The following PSD3 variants were observed in gnomAD, a reference collection of about 807,000 sequenced individuals.
The protein encoded by PSD3 is pleckstrin and Sec7 domain containing 3.
Under a neutral mutation model 105.5 loss-of-function variants are expected in PSD3, and 49 were observed. That is an observed-to-expected ratio of 0.46 (90% confidence interval 0.37 to 0.59). The LOEUF (loss-of-function observed/expected upper bound fraction) is 0.59. Among genes scored for constraint, PSD3 ranks in the 20% least tolerant of loss-of-function variants. The pLI, the probability that PSD3 is intolerant of heterozygous loss-of-function variation, is 0.00. For missense variants in PSD3, 1,561 were observed against 1,263.8 expected, an observed-to-expected ratio of 1.24 and a Z score of -3.57; for synonymous variants, 557 against 457.8, an observed-to-expected ratio of 1.22 and a Z score of -2.77.
At chr8:18,910,061 G>C (rs73582666) in intron 2 of PSD3, among the ~76,000 whole-genome samples, 5,027 of 152,136 alleles carry the variant, frequency 0.033, 242 homozygotes, top group African/African-American at 0.11. Context: ...TCCCCTCCCT[G>C]AATGCCCTGT....
intron 11 of PSD3, among the ~76,000 whole-genome samples, chr8:18,617,735 A>T (rs1188773876): frequency 6.6e-6 from 1 of 152,116 alleles, no homozygotes; most frequent in Non-Finnish European, 1.5e-5. Context: ...TTTAGGCACA[A>T]CTGACCAGCA....
chr8:18,571,946 A>G (rs564131310), intron 14 of PSD3, among the ~76,000 whole-genome samples: 3 of 152,182 alleles, frequency 2.0e-5, no homozygotes, highest in African/African-American at 7.2e-5. Context: ...ACATGATAAA[A>G]TATGGCTTTT....
At chr8:18,654,192 C>T (rs1808721756) in intron 10 of PSD3, among the ~76,000 whole-genome samples, 1 of 152,140 alleles carries the variant, frequency 6.6e-6, no homozygotes, top group Non-Finnish European at 1.5e-5. Context: ...CCCTAACTTG[C>T]AATAGGACCA....
At chr8:18,845,164 T>A (rs898013537) in intron 4 of PSD3, among the ~76,000 whole-genome samples, 1 of 152,234 alleles carries the variant, frequency 6.6e-6, no homozygotes, top group Non-Finnish European at 1.5e-5. Context: ...AATATTTCAT[T>A]ACTACCATTC....
chr8:19,011,339 G>GA (rs1017351960), intron 1 of PSD3, among the ~76,000 whole-genome samples: 6 of 151,826 alleles, frequency 4.0e-5, no homozygotes, highest in East Asian at 1.9e-4. Context: ...TTCTATAAAA[G>GA]AAAAAAAATC....
At chr8:18,590,651 CAT>C (rs552386051) in intron 12 of PSD3, among the ~76,000 whole-genome samples, 290 of 152,054 alleles carry the variant, frequency 1.9e-3, no homozygotes, top group African/African-American at 6.6e-3. Flanking sequence ...GAGATATGTG[CAT>C]GTGTGTGTGT....
At chr8:19,042,147 G>A (rs755232862) in intron 1 of PSD3, among the ~76,000 whole-genome samples, 3 of 152,062 alleles carry the variant, frequency 2.0e-5, no homozygotes, top group East Asian at 1.9e-4. Context: ...CTTTTAAAAC[G>A]TTACATAATA....
intron 1 of PSD3, among the ~76,000 whole-genome samples, chr8:18,981,117 A>C (rs892647916): frequency 1.3e-5 from 2 of 152,304 alleles, no homozygotes; most frequent in African/African-American, 4.8e-5. Flanking sequence ...AAGTTAAAAC[A>C]GTCAATGACT....
chr8:19,081,965 G>A (rs1427224356), intron 1 of PSD3, among the ~76,000 whole-genome samples: 1 of 152,116 alleles, frequency 6.6e-6, no homozygotes, highest in African/African-American at 2.4e-5. Flanking sequence ...CCATTATGGG[G>A]GATCGAGGGC....
At chr8:19,005,950 A>C (rs1276702392) in intron 1 of PSD3, among the ~76,000 whole-genome samples, 1 of 151,872 alleles carries the variant, frequency 6.6e-6, no homozygotes, top group Non-Finnish European at 1.5e-5. Context: ...GATCCCATTT[A>C]ATCTCCATGA....
Position 18,867,835 on chromosome 8 carries a change from C to A in PSD3, c.1473G>T (p.Gln491His). ...MIQQRIKEGG[Q>H]FLERTSGGGH... is the part of the protein sequence containing the mutation. ...CTCCCCCTGATGTCCTCTCCAAGAA[C>A]TGACCACCTTCTTTAATGCGCTGTT... is the stretch of plus-strand genomic sequence containing the variant. The change falls in exon 4 of 16, where the codon CAG becomes CAT. Residue 491 changes from glutamine to histidine, a missense_variant. Physicochemically the swap from Gln to His is conservative, Grantham distance 24. Coordinates refer to ENST00000327040, the MANE Select transcript of PSD3 (RefSeq NM_015310.4). The A allele has an allele frequency of 6.2e-7, 1 of 1,614,194 alleles. No homozygotes were observed. Among genetic ancestry groups the A allele is most frequent in the South Asian group, 1.1e-5 (1 of 91,088 alleles).
intron 12 of PSD3, among the ~76,000 whole-genome samples, chr8:18,594,541 T>A (rs1415647960): frequency 6.8e-6 from 1 of 146,782 alleles, no homozygotes; most frequent in African/African-American, 2.6e-5. Context: ...GGACTTGCCT[T>A]ACAAGAAAGG....
At position 18,607,594 on chromosome 8, in the gene PSD3, T is replaced by C. The variant is rs574275083; in HGVS notation, c.2411-7160A>G. 5.3e-4 allele frequency among the ~76,000 whole-genome samples: 78 copies of C among 146,508 alleles called. 2 individuals are homozygous for C. In the South Asian group the frequency reaches 0.016, roughly 29 times the overall value. ...CAATGTCTTGGATAAATCTGGGATC[T>C]AGGAGTGATATTAAAATTACTTAAG... On this transcript the variant is annotated intron_variant, in intron 11 of 15. Coordinates refer to ENST00000327040, the MANE Select transcript of PSD3 (RefSeq NM_015310.4).
intron 9 of PSD3, among the ~76,000 whole-genome samples, chr8:18,662,869 C>A (rs922648763): frequency 6.6e-6 from 1 of 152,072 alleles, no homozygotes; most frequent in South Asian, 2.1e-4. Context: ...AATAAATGCA[C>A]ATTTTAAAAT....
At chr8:19,023,595 C>T (rs1217623985) in intron 1 of PSD3, among the ~76,000 whole-genome samples, 1 of 151,748 alleles carries the variant, frequency 6.6e-6, no homozygotes, top group African/African-American at 2.4e-5. Context: ...CCGCACCCCA[C>T]TGAATATTAT....
At chr8:18,909,411 C>T (rs967560122) in intron 2 of PSD3, among the ~76,000 whole-genome samples, 1 of 152,098 alleles carries the variant, frequency 6.6e-6, no homozygotes, top group Non-Finnish European at 1.5e-5. Flanking sequence ...GATAACTTAG[C>T]TATGGATAAA....
intron 4 of PSD3, among the ~76,000 whole-genome samples, chr8:18,855,152 A>T (rs1313041234): frequency 1.3e-5 from 2 of 152,182 alleles, no homozygotes; most frequent in African/African-American, 4.8e-5. Flanking sequence ...GGATACGGGG[A>T]TTATGAGGAC....
chr8:18,929,370 A>C (rs1449423251), intron 2 of PSD3, among the ~76,000 whole-genome samples: 1 of 152,188 alleles, frequency 6.6e-6, no homozygotes, highest in Admixed American at 6.5e-5. Flanking sequence ...CTAGAAACCC[A>C]GAGTTGGCAG....
intron 12 of PSD3, among the ~76,000 whole-genome samples, chr8:18,590,589 C>G (rs1803525634): frequency 6.6e-6 from 1 of 152,072 alleles, no homozygotes; most frequent in African/African-American, 2.4e-5. Context: ...GAACTGTAAA[C>G]AGTTCCTACC....
Sources: allele counts gnomAD v4.1 joint callset (sites outside exome capture counted in the v4.1 genomes callset), GRCh38; gene constraint gnomAD v4.1.1; transcripts MANE v1.5; gene names NCBI Gene and HGNC (gene_info 2026-07-23, HGNC 2026-07-21).